HMGXB3: variants seen among roughly 807,000 people sequenced by gnomAD.
HMGXB3 encodes the protein HMG-box containing 3.
Under a neutral mutation model 121.5 loss-of-function variants are expected in HMGXB3, and 45 were observed. The ratio of observed to expected loss-of-function variants is 0.37; its 90% CI spans 0.29 to 0.47. The LOEUF (loss-of-function observed/expected upper bound fraction) is 0.47. HMGXB3 is among the 20% of genes least tolerant of loss of function. The probability of loss-of-function intolerance (pLI) is 0.99; values close to 1 mark genes in which losing one functional copy is unlikely to be tolerated. For missense variants in HMGXB3, 1,376 were observed against 1,602.2 expected, an observed-to-expected ratio of 0.86 and a Z score of 2.41; for synonymous variants, 590 against 624.1, an observed-to-expected ratio of 0.95 and a Z score of 0.81.
intron 2 of HMGXB3, among the ~76,000 whole-genome samples, chr5:150,005,704 G>C (rs1755685905): frequency 6.6e-6 from 1 of 151,858 alleles, no homozygotes; most frequent in South Asian, 2.1e-4. Context: ...CTTCACTCTT[G>C]ACTGTGAATA....
intron 6 of HMGXB3, among the ~76,000 whole-genome samples, chr5:150,024,037 A>C (rs1433487464): frequency 6.6e-6 from 1 of 152,260 alleles, no homozygotes; most frequent in Non-Finnish European, 1.5e-5. Flanking sequence ...GAAGATGAAC[A>C]GTTTTATTCA....
intron 9 of HMGXB3, among the ~76,000 whole-genome samples, chr5:150,028,840 C>G (rs1213291278): frequency 6.6e-6 from 1 of 151,936 alleles, no homozygotes; most frequent in African/African-American, 2.4e-5. Flanking sequence ...TCCCAAAGTA[C>G]TGGGATTACA....
rs1332383218 is a variant in HMGXB3, at chr5:150,036,805, G to C, written c.2153G>C (p.Ser718Thr). The C allele has an allele frequency of 6.4e-7, 1 of 1,551,756 alleles. No homozygotes were observed. Among genetic ancestry groups the C allele is most frequent in the East Asian group, 2.4e-5 (1 of 40,928 alleles). Residue 718 changes from serine (S) to threonine (T), a missense_variant, in exon 12 of 20, where the codon AGC (serine) becomes ACC (threonine). Transcript: ENST00000502717. ...TTCGCCTTGATTCATGAACTCAACA[G>C]CTCTCGACTTATCTTGTCCAACGTG... ...EVFALIHELN[S>T]SRLILSNVSE...
At chr5:150,019,344 T>C (rs1379961887) in intron 6 of HMGXB3, among the ~76,000 whole-genome samples, 2 of 152,198 alleles carry the variant, frequency 1.3e-5, no homozygotes. Context: ...CAGTTAACAA[T>C]GTTTCTGTTT....
intron 3 of HMGXB3, among the ~76,000 whole-genome samples, chr5:150,008,612 G>A (rs1372536340): frequency 6.6e-6 from 1 of 152,250 alleles, no homozygotes; most frequent in East Asian, 1.9e-4. Flanking sequence ...TTGGGAGCCT[G>A]TCAGAGCCCT....
chr5:150,036,911 CAG>C lies in HMGXB3; in HGVS notation c.2260_2261del (p.Ser754ProfsTer54). On this transcript the variant is annotated frameshift_variant, in exon 12 of 20. Transcript: ENST00000502717. LOFTEE classifies it high-confidence loss of function. Reference protein sequence around the residue: ...SPSTQCLLCSSPLFKGGQNSL... With the variant: ...SPSTQCLLCSXPLFKGGQNSL... ...CGTCCACGCAGTGCCTTCTCTGTAG[CAG>C]CCCATTATTCAAAGGGGGACAAAAG... The C allele has an allele frequency of 1.3e-6, 2 of 1,551,428 alleles. No individual in the cohort carries two copies. The highest frequency in any genetic ancestry group is 1.7e-6 in the Non-Finnish European group (2 of 1,146,868).
At position 150,010,471 on chromosome 5, in the gene HMGXB3, G is replaced by A; in HGVS notation, c.673G>A (p.Glu225Lys). 1 of 1,551,676 alleles carries A rather than the reference G, an allele frequency of 6.4e-7. No homozygotes were observed. The highest frequency in any genetic ancestry group is 1.2e-5 in the South Asian group (1 of 84,056). Reference sequence around the variant, plus strand: ...AGAGGACGCTTCCCTAGAAGTAGGGGAGAGCCACCAACCTTACCAGACAAG... The same window carrying A: ...AGAGGACGCTTCCCTAGAAGTAGGGAAGAGCCACCAACCTTACCAGACAAG... ...LLEDASLEVG[E>K]SHQPYQTSLV... is the part of the protein sequence containing the mutation. Residue 225 changes from glutamate (E) to lysine (K), a missense_variant, in exon 4 of 20, where the codon GAG (glutamate) becomes AAG (lysine). This residue lies in a region of HMGXB3 where 1,116 missense variants were observed against 1,369.0 expected (regional missense o/e 0.82). Transcript: ENST00000502717.
In HMGXB3 at chr5:150,006,519, C is replaced by T; in HGVS notation, c.184C>T (p.Gln62Ter). Residue 62 changes from glutamine to a stop codon, truncating the protein, a stop_gained, in exon 3 of 20, where the codon CAG (glutamine) becomes TAG (stop). Coordinates refer to ENST00000502717, the MANE Select transcript of HMGXB3 (RefSeq NM_014983.3). LOFTEE classifies it high-confidence loss of function. ...YYYDIYLKVQ[Q>*]ELPHLPQSEI... ...TTACGACATCTACCTGAAAGTGCAGCAGGAGCTCCCCCACCTCCCTCAGTC... is the reference window on the plus strand; with the variant it reads ...TTACGACATCTACCTGAAAGTGCAGTAGGAGCTCCCCCACCTCCCTCAGTC... 1 of 1,551,932 alleles carries T rather than the reference C, an allele frequency of 6.4e-7. No homozygotes were observed. The highest frequency in any genetic ancestry group is 8.7e-7 in the Non-Finnish European group (1 of 1,147,036).
intron 15 of HMGXB3, among the ~76,000 whole-genome samples, chr5:150,042,440 G>C (rs771586613): frequency 1.3e-5 from 2 of 152,186 alleles, no homozygotes; most frequent in Non-Finnish European, 2.9e-5. Context: ...AGTGAGGGGG[G>C]AAGGCCCCTC....
Position 150,040,877 on chromosome 5 carries a change from C to T in HMGXB3, c.2543C>T (p.Thr848Ile). ...NVVLKSVQEQ[T>I]EKTLTSEELS... ...GTTCTGAAGTCGGTGCAGGAGCAGA[C>T]AGGTAAAAGTTGTTTTCTTCCCTTT... Residue 848 changes from threonine (T) to isoleucine (I), a missense_variant and splice_region_variant, in exon 14 of 20, where the codon ACA (threonine) becomes ATA (isoleucine). Thr to Ile is a moderately conservative substitution (Grantham distance 89). Transcript: ENST00000502717. The T allele has an allele frequency of 1.3e-6, 2 of 1,547,934 alleles. No individual in the cohort carries two copies. The highest frequency in any genetic ancestry group is 1.7e-6 in the Non-Finnish European group (2 of 1,145,676).
intron 2 of HMGXB3, among the ~76,000 whole-genome samples, chr5:150,005,675 A>G (rs1166456841): frequency 1.3e-5 from 2 of 152,134 alleles, no homozygotes; most frequent in African/African-American, 4.8e-5. Context: ...TGTACAGAAT[A>G]TCCAAATTGT....
intron 5 of HMGXB3, chr5:150,014,813 T>C (rs915498028): frequency 2.3e-6 from 1 of 436,850 alleles, no homozygotes; most frequent in Non-Finnish European, 4.1e-6. Flanking sequence ...ACTTGGGAGG[T>C]GGGGGAACAT....
intron 9 of HMGXB3, 111 bp from the exon 10 acceptor site, chr5:150,030,630 A>C: frequency 1.3e-6 from 1 of 788,508 alleles, no homozygotes; most frequent in South Asian, 1.7e-5. Flanking sequence ...CATTTGGAGA[A>C]TAGCTCTACA....
intron 5 of HMGXB3, among the ~76,000 whole-genome samples, chr5:150,016,340 CAAAAAAAAA>C (rs34992392): frequency 7.6e-5 from 7 of 92,626 alleles, no homozygotes; most frequent in African/African-American, 3.1e-4. Context: ...GACTCTGTCT[CAAAAAAAAA>C]AAAAAAAAAA....
intron 11 of HMGXB3, among the ~76,000 whole-genome samples, chr5:150,033,734 A>G (rs1581260299): frequency 6.6e-6 from 1 of 151,904 alleles, no homozygotes; most frequent in African/African-American, 2.4e-5. Context: ...ATGGGATGAG[A>G]GTTTGGGAGT....
At chr5:150,013,824 T>C (rs569981905) in intron 5 of HMGXB3, among the ~76,000 whole-genome samples, 1 of 152,368 alleles carries the variant, frequency 6.6e-6, no homozygotes, top group African/African-American at 2.4e-5. Context: ...TACCCTGTAA[T>C]AAACAATGTA....
At chr5:150,021,849 T>G (rs1384346107) in intron 6 of HMGXB3, 1 of 510,720 alleles carries the variant, frequency 2.0e-6, no homozygotes, top group Non-Finnish European at 3.9e-6. Flanking sequence ...TTGCAGCTCG[T>G]TAGAGTGATT....
intron 6 of HMGXB3, among the ~76,000 whole-genome samples, chr5:150,020,660 A>G (rs1463865693): frequency 1.3e-5 from 2 of 151,466 alleles, no homozygotes; most frequent in African/African-American, 2.4e-5. Flanking sequence ...CTTGGTCTCA[A>G]GTGATCCTCC....
chr5:150,012,520 A>G (rs1386139209), intron 5 of HMGXB3, among the ~76,000 whole-genome samples, 167 bp downstream of exon 5: 3 of 152,190 alleles, frequency 2.0e-5, no homozygotes, highest in Non-Finnish European at 2.9e-5. Context: ...TTCAGGGATT[A>G]TGTGGTCCAT....
Sources: allele counts gnomAD v4.1 joint callset (sites outside exome capture counted in the v4.1 genomes callset), GRCh38; gene constraint gnomAD v4.1.1; regional missense constraint gnomAD v4.1.1; transcripts MANE v1.5; gene names NCBI Gene and HGNC (gene_info 2026-07-23, HGNC 2026-07-21).